The following AMMECR1 variants were observed in gnomAD, a reference collection of about 807,000 sequenced individuals.
AMMECR1 encodes the protein AMMECR nuclear protein 1.
AMMECR1 carries 3 observed loss-of-function variants against 22.5 expected under a neutral mutation model. The observed-to-expected ratio is 0.13, with a 90% confidence interval of 0.06 to 0.35. The LOEUF (loss-of-function observed/expected upper bound fraction) is 0.35, where lower values mean the gene tolerates loss of function less well. Among genes scored for constraint, AMMECR1 ranks in the 10% least tolerant of loss-of-function variants. AMMECR1 has a pLI of 1.00. For synonymous variants in AMMECR1, 130 were observed against 116.7 expected (o/e 1.11, Z -0.74); for missense variants, 235 against 278.7 (o/e 0.84, Z 1.12).
intron 2 of AMMECR1, among the ~76,000 whole-genome samples, chrX:110,238,727 C>T (rs1357452094): frequency 1.8e-5 from 2 of 112,285 alleles, no homozygotes; most frequent in Non-Finnish European, 3.8e-5. Flanking sequence ...TCAAGTGGGT[C>T]CCTGACCCCC....
At chrX:110,213,440 C>A (rs979170581) in intron 3 of AMMECR1, among the ~76,000 whole-genome samples, 1 of 112,496 alleles carries the variant, frequency 8.9e-6, no homozygotes, top group African/African-American at 3.2e-5. Flanking sequence ...ATGTATTTCA[C>A]TTCTTTTTAT....
At chrX:110,349,129 T>C (rs184029427) in intron 2 of AMMECR1, among the ~76,000 whole-genome samples, 124 of 112,049 alleles carry the variant, frequency 1.1e-3, no homozygotes, top group African/African-American at 3.9e-3. Context: ...ACAGGAATTA[T>C]CTAATGCATG....
chrX:110,319,409 G>C (rs1486221360), upstream of AMMECR1, among the ~76,000 whole-genome samples: 3 of 111,351 alleles, frequency 2.7e-5, no homozygotes, highest in African/African-American at 9.8e-5. Context: ...ATTCCACTCA[G>C]GGAATAAAAA....
intron 2 of AMMECR1, among the ~76,000 whole-genome samples, chrX:110,359,132 T>C (rs1338908591): frequency 9.0e-6 from 1 of 111,185 alleles, no homozygotes; most frequent in African/African-American, 3.3e-5. Context: ...ACATAGCTGG[T>C]TAAGTGCCAG....
intron 2 of AMMECR1, among the ~76,000 whole-genome samples, chrX:110,388,011 G>A (rs2068469354): frequency 1.8e-5 from 2 of 109,746 alleles, no homozygotes; most frequent in African/African-American, 3.3e-5. Context: ...ACAGGCGCCC[G>A]CCATCACGCC....
At chrX:110,288,120 C>T (rs761505176) in intron 1 of AMMECR1, among the ~76,000 whole-genome samples, 117 of 111,894 alleles carry the variant, frequency 1.0e-3, no homozygotes, top group Non-Finnish European at 2.0e-3. Context: ...GAAAGAGGAC[C>T]ATGACTGCAG....
intron 1 of AMMECR1, among the ~76,000 whole-genome samples, chrX:110,306,148 G>A (rs922155764): frequency 3.3e-4 from 36 of 108,001 alleles, no homozygotes; most frequent in African/African-American, 1.2e-3. Context: ...GAAATTAGCC[G>A]GGCTTGGTGG....
intron 2 of AMMECR1, among the ~76,000 whole-genome samples, chrX:110,264,244 G>T (rs1246104717): frequency 2.9e-5 from 3 of 102,177 alleles, no homozygotes; most frequent in Admixed American, 1.0e-4. Flanking sequence ...GCCACTGGAA[G>T]AAAAAAAAAA....
chrX:110,328,439 T>G (rs1185411755), intron 2 of AMMECR1, among the ~76,000 whole-genome samples: 2 of 60,721 alleles, frequency 3.3e-5, no homozygotes, highest in South Asian at 1.0e-3. Flanking sequence ...TCTTTTTCTC[T>G]TTTTTTTTTT....
At chrX:110,214,841 C>T (rs2067465592) in intron 3 of AMMECR1, among the ~76,000 whole-genome samples, 1 of 111,060 alleles carries the variant, frequency 9.0e-6, no homozygotes, top group Non-Finnish European at 1.9e-5. Context: ...TATAATCACT[C>T]CCATCCCCAC....
chrX:110,314,975 G>A (rs1219179559), intron 1 of AMMECR1, among the ~76,000 whole-genome samples: 5 of 111,313 alleles, frequency 4.5e-5, no homozygotes, highest in Admixed American at 9.5e-5. Context: ...AAGAGTGTGC[G>A]TTTACGTATG....
intron 1 of AMMECR1, among the ~76,000 whole-genome samples, chrX:110,301,906 C>T (rs760599122): frequency 1.2e-4 from 13 of 111,614 alleles, no homozygotes; most frequent in Non-Finnish European, 2.1e-4. Flanking sequence ...TTGAAACCTA[C>T]AATTTAAAAC....
chrX:110,253,124 G>A (rs1316569710), intron 2 of AMMECR1, among the ~76,000 whole-genome samples: 1 of 112,601 alleles, frequency 8.9e-6, no homozygotes, highest in East Asian at 2.8e-4. Flanking sequence ...CTAAGGCCAA[G>A]AGAATGAATG....
chrX:110,196,540 A>G lies in AMMECR1; in HGVS notation c.*1980T>C, dbSNP rs1180723754. 9.1e-6 allele frequency: 1 copy of G among 110,265 alleles called. No homozygotes were observed. The highest frequency in any genetic ancestry group is 1.9e-5 in the Non-Finnish European group (1 of 52,748). The allele number at this position is 110,265 out of a possible 1,213,427, so 9.1% of individuals were successfully genotyped here. ...ACTAATCTGCTCCAAAATGCTCCCAAGTAGAAATGACAGGACTCAAAATCC... is the reference window on the plus strand; with the variant it reads ...ACTAATCTGCTCCAAAATGCTCCCAGGTAGAAATGACAGGACTCAAAATCC... On this transcript the variant is annotated 3_prime_UTR_variant, in exon 6 of 6. Transcript: ENST00000262844.
chrX:110,362,323 A>C (rs1164583239), intron 2 of AMMECR1, among the ~76,000 whole-genome samples: 1 of 111,978 alleles, frequency 8.9e-6, no homozygotes, highest in East Asian at 2.8e-4. Context: ...CCAATGTGTG[A>C]AATTTCATCT....
intron 2 of AMMECR1, among the ~76,000 whole-genome samples, chrX:110,423,360 G>GGAAGGA (rs1036335078): frequency 6.4e-5 from 7 of 110,125 alleles, no homozygotes; most frequent in Non-Finnish European, 1.3e-4. Flanking sequence ...AAAAGAAAGA[G>GGAAGGA]GAAGGAGAAG....
In AMMECR1 at chrX:110,282,785, A is replaced by T. The variant is rs149542088; in HGVS notation, c.474-18186T>A. 1.9e-3 allele frequency among the ~76,000 whole-genome samples: 211 copies of T among 111,859 alleles called. 6 individuals carry two copies. In the East Asian group the frequency reaches 0.051, roughly 27 times the overall value. On this transcript the variant is annotated intron_variant, in intron 1 of 5. Transcript: ENST00000262844. ...TCAAGTGTTTCAGGGCTTTAAGAAC[A>T]TCAAGGAGGAAAGCAAGCATTAACA...
intron 1 of AMMECR1, among the ~76,000 whole-genome samples, chrX:110,266,100 G>T (rs188147244): frequency 9.3e-6 from 1 of 108,017 alleles, no homozygotes; most frequent in Non-Finnish European, 1.9e-5. Flanking sequence ...CAAACAAAAG[G>T]TAAAAGCCAG....
chrX:110,352,797 TTAA>T (rs1432607181), intron 2 of AMMECR1, among the ~76,000 whole-genome samples: 1 of 112,147 alleles, frequency 8.9e-6, no homozygotes. Context: ...AGTGGAATAA[TTAA>T]TAAGCAGTTC....
Sources: allele counts gnomAD v4.1 joint callset (sites outside exome capture counted in the v4.1 genomes callset), GRCh38; gene constraint gnomAD v4.1.1; transcripts MANE v1.5; gene names NCBI Gene and HGNC (gene_info 2026-07-23, HGNC 2026-07-21).